The following LGSN variants were observed in gnomAD, a reference collection of about 807,000 sequenced individuals.
LGSN encodes lengsin, lens protein with glutamine synthetase domain, also known as lengsin.
In LGSN, 21 loss-of-function variants were observed where a neutral mutation model predicts 19.5. That is an observed-to-expected ratio of 1.07 (90% CI 0.76 to 1.55). The LOEUF is 1.55. Among genes scored for constraint, LGSN ranks in the 40% most tolerant of loss-of-function variants. LGSN has a pLI of 0.00. For synonymous variants in LGSN, 257 were observed against 215.6 expected (o/e 1.19, Z -1.68); for missense variants, 673 against 608.5 (o/e 1.11, Z -1.12).
Position 63,319,959 on chromosome 6 carries a change from G to A in LGSN, c.-16C>T. 6.2e-7 allele frequency: 1 copy of A among 1,602,224 alleles called. No individual in the cohort carries two copies. ...CATTATTCATCTCAACACTTTTTAA[G>A]TTCAGCGTTAGAAACCACAATATCC... On this transcript the variant is annotated 5_prime_UTR_variant, in exon 1 of 4. Transcript: ENST00000370657.
chr6:63,398,199 C>T, the LGSN span, among the ~76,000 whole-genome samples: 1 of 139,266 alleles, frequency 7.2e-6, no homozygotes, highest in Non-Finnish European at 1.5e-5. Context: ...GAGTATACTC[C>T]TATTTACTAA....
At chr6:63,347,608 T>G in the LGSN span, among the ~76,000 whole-genome samples, 1 of 152,236 alleles carries the variant, frequency 6.6e-6, no homozygotes, top group East Asian at 1.9e-4. Flanking sequence ...TTTTCCAGTA[T>G]GCTTAAAAGG....
chr6:63,414,245 A>C, the LGSN span, among the ~76,000 whole-genome samples: 1 of 152,196 alleles, frequency 6.6e-6, no homozygotes, highest in East Asian at 1.9e-4. Context: ...TGCCAAAAAA[A>C]AAATATTAGT....
the LGSN span, among the ~76,000 whole-genome samples, chr6:63,511,219 G>A: frequency 6.6e-6 from 1 of 151,152 alleles, no homozygotes; most frequent in African/African-American, 2.4e-5. Flanking sequence ...CCTACTCTAG[G>A]TCAAGCTTAT....
intron 1 of LGSN, among the ~76,000 whole-genome samples, chr6:63,317,987 CTT>C (rs1403519171): frequency 6.6e-6 from 1 of 152,180 alleles, no homozygotes; most frequent in Non-Finnish European, 1.5e-5. Context: ...ATATGCCACT[CTT>C]TCACTCAATT....
chr6:63,542,855 C>T, the LGSN span, among the ~76,000 whole-genome samples: 1 of 152,174 alleles, frequency 6.6e-6, no homozygotes, highest in Admixed American at 6.5e-5. Flanking sequence ...CTACCTGATT[C>T]ATCCAAGCCA....
the LGSN span, among the ~76,000 whole-genome samples, chr6:63,501,926 A>G: frequency 0.54 from 81,456 of 152,026 alleles, 23,646 homozygotes; most frequent in African/African-American, 0.77. Context: ...CTCCCAAGTC[A>G]CTGGGACTAT....
At chr6:63,408,647 A>G in the LGSN span, among the ~76,000 whole-genome samples, 1 of 150,990 alleles carries the variant, frequency 6.6e-6, no homozygotes, top group Admixed American at 6.6e-5. Flanking sequence ...AAAACACCAA[A>G]AGCAATGGCA....
At chr6:63,536,870 G>T in the LGSN span, among the ~76,000 whole-genome samples, 4 of 151,960 alleles carry the variant, frequency 2.6e-5, no homozygotes, top group Non-Finnish European at 4.4e-5. Flanking sequence ...TAACATAAGG[G>T]TCCCCCTAAA....
the LGSN span, among the ~76,000 whole-genome samples, chr6:63,390,560 T>C: frequency 2.0e-5 from 3 of 151,970 alleles, no homozygotes; most frequent in East Asian, 1.9e-4. Context: ...ATTTGTTTTA[T>C]TGAAAATTGG....
the LGSN span, among the ~76,000 whole-genome samples, chr6:63,370,372 T>C: frequency 1.3e-5 from 2 of 152,076 alleles, no homozygotes; most frequent in African/African-American, 4.8e-5. Flanking sequence ...AAAATAAGAA[T>C]CCCAAAACCT....
At chr6:63,316,809 GA>G (rs35205010) in intron 1 of LGSN, among the ~76,000 whole-genome samples, 2 of 151,766 alleles carry the variant, frequency 1.3e-5, no homozygotes, top group South Asian at 2.1e-4. Context: ...AATATAGTAT[GA>G]AAAAAGATCC....
chr6:63,490,704 G>A, the LGSN span, among the ~76,000 whole-genome samples: 2 of 152,122 alleles, frequency 1.3e-5, no homozygotes, highest in Non-Finnish European at 2.9e-5. Context: ...CTCCCAAGTA[G>A]CTGGGATTAC....
chr6:63,387,462 T>C, the LGSN span, among the ~76,000 whole-genome samples: 1 of 152,190 alleles, frequency 6.6e-6, no homozygotes, highest in Non-Finnish European at 1.5e-5. Flanking sequence ...TATAGAAGCA[T>C]ATGCATAGGT....
the LGSN span, among the ~76,000 whole-genome samples, chr6:63,387,176 T>G: frequency 2.0e-5 from 3 of 152,092 alleles, no homozygotes; most frequent in Non-Finnish European, 4.4e-5. Context: ...AATTCAGACC[T>G]TCGAACCAAA....
chr6:63,279,616 TACCATTAAA>T lies in LGSN; in HGVS notation c.*396_*404del, dbSNP rs1767211163. ...CTCCCTGGAAATCATAACCTATGTGTACCATTAAAATTTTTTCTCCTTTTCTTTTTTTTC... is the reference window on the plus strand; with the variant it reads ...CTCCCTGGAAATCATAACCTATGTGTATTTTTTCTCCTTTTCTTTTTTTTC... On this transcript the variant is annotated 3_prime_UTR_variant, in exon 4 of 4. Coordinates refer to ENST00000370657, the MANE Select transcript of LGSN (RefSeq NM_016571.3). 4.4e-5 allele frequency: 7 copies of T among 160,374 alleles called. No homozygotes were observed. The highest frequency in any genetic ancestry group is 1.7e-4 in the African/African-American group (7 of 41,516). 9.9% of individuals were successfully genotyped at this position (160,374 alleles called of 1,614,324 possible).
the LGSN span, among the ~76,000 whole-genome samples, chr6:63,469,098 A>G: frequency 6.6e-6 from 1 of 152,062 alleles, no homozygotes; most frequent in African/African-American, 2.4e-5. Flanking sequence ...TATTTTATAC[A>G]TGTTATATTT....
Position 63,278,412 on chromosome 6 carries a change from A to G in LGSN, c.*1609T>C, listed in dbSNP as rs2127379058. The G allele has an allele frequency of 6.6e-6, 1 of 151,604 alleles. No homozygotes were observed. Among genetic ancestry groups the G allele is most frequent in the South Asian group, 2.1e-4 (1 of 4,804 alleles). The allele number at this position is 151,604 out of a possible 1,614,324, so 9.4% of individuals were successfully genotyped here. On this transcript the variant is annotated 3_prime_UTR_variant, in exon 4 of 4. Coordinates refer to ENST00000370657, the MANE Select transcript of LGSN (RefSeq NM_016571.3). ...CCCTTCCTTCCCCCAGCTACCCTAC[A>G]CTATCTTTCTCTCTACCCCATATGC...
chr6:63,367,275 G>T, the LGSN span, among the ~76,000 whole-genome samples: 1 of 152,102 alleles, frequency 6.6e-6, no homozygotes, highest in Non-Finnish European at 1.5e-5. Context: ...CAAAAAGTGG[G>T]TGAAGGACAT....
Sources: gnomAD v4.1 joint callset for allele counts (sites outside exome capture counted in the v4.1 genomes callset) on GRCh38, gnomAD v4.1.1 for gene constraint, MANE v1.5 for transcripts, NCBI Gene and HGNC (gene_info 2026-07-23, HGNC 2026-07-21) for gene names.